SCLY: variants seen among roughly 807,000 people sequenced by gnomAD.
The protein encoded by SCLY is putative selenocysteine lyase.
In SCLY, 38 loss-of-function variants were observed where a neutral mutation model predicts 50.1. The ratio of observed to expected loss-of-function variants is 0.76; its 90% CI spans 0.59 to 0.99. The LOEUF is 0.99. SCLY is among the 50% of genes least tolerant of loss of function. The probability of loss-of-function intolerance (pLI) is 0.00; values close to 1 mark genes in which losing one functional copy is unlikely to be tolerated. For missense variants in SCLY, 600 were observed against 620.0 expected (o/e 0.97, Z 0.34); for synonymous variants, 243 against 249.4 (o/e 0.97, Z 0.24).
At chr2:238,075,785 C>G (rs2065167064) in intron 4 of SCLY, among the ~76,000 whole-genome samples, 1 of 151,986 alleles carries the variant, frequency 6.6e-6, no homozygotes, top group Admixed American at 6.6e-5. Context: ...AAAGATTTAT[C>G]TTTTTAAAAA....
intron 8 of SCLY, chr2:238,091,558 A>ACT: frequency 6.0e-5 from 19 of 319,004 alleles, no homozygotes; most frequent in South Asian, 1.6e-4. Flanking sequence ...ACCATTCCCA[A>ACT]AGGCGTCGGC....
At chr2:238,097,322 G>A (rs922872337) in intron 11 of SCLY, among the ~76,000 whole-genome samples, 4 of 152,216 alleles carry the variant, frequency 2.6e-5, no homozygotes, top group African/African-American at 7.2e-5. Flanking sequence ...AGCAGGGCCC[G>A]GGTGAGCGGG....
chr2:238,094,252 T>C (rs556467692), intron 9 of SCLY, 168 bp from the exon 10 acceptor site: 9 of 649,910 alleles, frequency 1.4e-5, no homozygotes, highest in Middle Eastern at 4.0e-4. Flanking sequence ...GTTTTTCTCC[T>C]AATTAACTTT....
intron 4 of SCLY, among the ~76,000 whole-genome samples, chr2:238,072,951 A>G (rs924222500): frequency 1.3e-5 from 2 of 152,222 alleles, no homozygotes; most frequent in Non-Finnish European, 2.9e-5. Flanking sequence ...ACCCAAGGTC[A>G]TGAAAATGTA....
intron 4 of SCLY, among the ~76,000 whole-genome samples, chr2:238,078,077 C>G (rs2106443615): frequency 6.6e-6 from 1 of 152,210 alleles, no homozygotes; most frequent in East Asian, 1.9e-4. Context: ...CCTCAGCCTC[C>G]CGAGTAGCTG....
At chr2:238,097,189 G>A (rs918625250) in intron 11 of SCLY, among the ~76,000 whole-genome samples, 11 of 151,310 alleles carry the variant, frequency 7.3e-5, no homozygotes, top group Admixed American at 6.6e-4. Context: ...GGGCTGGGGT[G>A]GGGATGGCCT....
At position 238,066,863 on chromosome 2, in the gene SCLY, A is replaced by C. The variant is rs965176704; in HGVS notation, c.203-1202A>C. On this transcript the variant is annotated intron_variant, in intron 2 of 11. Transcript: ENST00000254663. The surrounding 1 kb of genome is among the most constrained non-coding windows in gnomAD (Gnocchi z 4.1). ...GGCTGGGGAGGCCCCACAATCACGG[A>C]GGAAGGCGAAAGAGGAGCAAAGTCA... is the stretch of plus-strand genomic sequence containing the variant. 6.6e-6 allele frequency among the ~76,000 whole-genome samples: 1 copy of C among 152,182 alleles called. No homozygotes were observed. The highest frequency in any genetic ancestry group is 2.4e-5 in the African/African-American group (1 of 41,434).
chr2:238,091,563 G>A (rs1375640571), intron 8 of SCLY: 12 of 389,008 alleles, frequency 3.1e-5, no homozygotes, highest in East Asian at 5.4e-5. Flanking sequence ...TCCCAAAGGC[G>A]TCGGCAGCCC....
intron 4 of SCLY, chr2:238,080,853 T>C (rs570677663): frequency 6.6e-6 from 1 of 152,416 alleles, no homozygotes; most frequent in South Asian, 2.1e-4. Context: ...GGGTGGCCAC[T>C]GGATACTTTC....
intron 1 of SCLY, 72 bp downstream of exon 1, chr2:238,061,215 G>A (rs1397837468): frequency 2.6e-6 from 3 of 1,159,768 alleles, no homozygotes; most frequent in South Asian, 1.3e-5. Context: ...GGAGGACGAA[G>A]GGGGCTCCCG....
chr2:238,082,669 G>A (rs534865441), intron 6 of SCLY: 3 of 185,106 alleles, frequency 1.6e-5, no homozygotes, highest in South Asian at 2.3e-4. Context: ...GGAGTATGGG[G>A]AAAATAGTTA....
At position 238,069,163 on chromosome 2, in the gene SCLY, C is replaced by T. The variant is rs2065103505; in HGVS notation, c.304-134C>T. 1 of 731,782 alleles carries T rather than the reference C, an allele frequency of 1.4e-6. No homozygotes were observed. Among genetic ancestry groups the T allele is most frequent in the Non-Finnish European group, 2.2e-6 (1 of 451,324 alleles). 45.3% of individuals were successfully genotyped at this position (731,782 alleles called of 1,614,324 possible). On this transcript the variant is annotated intron_variant, in intron 3 of 11. Transcript: ENST00000254663. The surrounding 1 kb of genome is among the most constrained non-coding windows in gnomAD (Gnocchi z 5.0). ...GAAAACCCCAAATCTTTCAAAAGGT[C>T]CCACTCAGGAAGTTGAATTTCTTTG...
chr2:238,085,091 G>T (rs1465463911), intron 7 of SCLY, among the ~76,000 whole-genome samples: 1 of 152,022 alleles, frequency 6.6e-6, no homozygotes, highest in East Asian at 1.9e-4. Context: ...GAACTAGAAA[G>T]ATTTCAAATT....
chr2:238,061,331 CG>C, intron 1 of SCLY, 188 bp downstream of exon 1: 1 of 705,514 alleles, frequency 1.4e-6, no homozygotes, highest in Admixed American at 2.0e-5. Context: ...GCTGTGGCCC[CG>C]CAAGGGCCCA....
Position 238,098,672 on chromosome 2 carries a change from C to CATGGGAACGCCCA in SCLY, c.*317_*318insATGGGAACGCCCA, listed in dbSNP as rs1387039990. On this transcript the variant is annotated 3_prime_UTR_variant, in exon 12 of 12. Transcript: ENST00000254663. Reference sequence around the variant, plus strand: ...GGGACCGCCCACATAGAACCGTCCTCCAGTGGTGAAGCGGAAACACTTAGC... The same window carrying CATGGGAACGCCCA: ...GGGACCGCCCACATAGAACCGTCCTCATGGGAACGCCCACAGTGGTGAAGCGGAAACACTTAGC... 3.1e-5 allele frequency: 13 copies of CATGGGAACGCCCA among 423,534 alleles called. No homozygotes were observed. Among genetic ancestry groups the CATGGGAACGCCCA allele is most frequent in the African/African-American group, 4.1e-5 (2 of 48,512 alleles). The allele number at this position is 423,534 out of a possible 1,614,324, so 26.2% of individuals were successfully genotyped here. A position where few individuals can be genotyped will look rare whatever the true frequency, so the allele number is the denominator to read the frequency against.
chr2:238,082,277 G>T, intron 6 of SCLY, 68 bp downstream of exon 6: 1 of 1,461,576 alleles, frequency 6.8e-7, no homozygotes, highest in Non-Finnish European at 9.2e-7. Context: ...TTACTCCTCG[G>T]TCCGTAAGCC....
chr2:238,061,106 C>T lies in SCLY; in HGVS notation c.52C>T (p.Gln18Ter), dbSNP rs978088544. ...GGATGCGCCGGCACCCGCGGCGAGT[C>T]AGCCCAGCGGCTGCGGGAAACACAA... ...GRDAPAPAAS[Q>*]PSGCGKHNSP... is the part of the protein sequence containing the mutation. The change falls in exon 1 of 12, where the codon CAG (glutamine) becomes TAG (stop). Residue 18 changes from glutamine (Q) to a stop codon, truncating the protein, a stop_gained. Transcript: ENST00000254663. LOFTEE classifies it high-confidence loss of function. The T allele has an allele frequency of 1.5e-5, 21 of 1,417,520 alleles. No individual in the cohort carries two copies. The highest frequency in any genetic ancestry group is 1.2e-4 in the Admixed American group (4 of 32,668). The allele number at this position is 1,417,520 out of a possible 1,614,324, so 87.8% of individuals were successfully genotyped here.
At chr2:238,075,414 CCTGTT>C (rs1487524249) in intron 4 of SCLY, among the ~76,000 whole-genome samples, 2 of 152,092 alleles carry the variant, frequency 1.3e-5, no homozygotes, top group African/African-American at 2.4e-5. Flanking sequence ...AGTGTTCCCT[CCTGTT>C]CTGTTTTTTG....
In SCLY at chr2:238,082,289, C is replaced by T. The variant is rs1314535619; in HGVS notation, c.777+80C>T. ...TGTTTACTCCTCGGTCCGTAAGCCT[C>T]ACTGCCCACCGTGAGCCAGGCCTTG... On this transcript the variant is annotated intron_variant, in intron 6 of 11. Coordinates refer to ENST00000254663, the MANE Select transcript of SCLY (RefSeq NM_016510.7). 4 of 1,391,462 alleles carry T rather than the reference C, an allele frequency of 2.9e-6. No homozygotes were observed. The African/African-American group carries it at 4.3e-5, about 15-fold the overall frequency. The allele number at this position is 1,391,462 out of a possible 1,614,324, so 86.2% of individuals were successfully genotyped here.
Sources: gnomAD v4.1 joint callset for allele counts (sites outside exome capture counted in the v4.1 genomes callset) on GRCh38, gnomAD v4.1.1 for gene constraint, Gnocchi (gnomAD v3.1) non-coding constraint, MANE v1.5 for transcripts, NCBI Gene and HGNC (gene_info 2026-07-23, HGNC 2026-07-21) for gene names.